STIM1: variants seen among roughly 807,000 people sequenced by gnomAD.
The protein encoded by STIM1 is stromal interaction molecule 1.
STIM1 carries 25 observed loss-of-function variants against 74.7 expected under a neutral mutation model. That is an observed-to-expected ratio of 0.33 (90% CI 0.24 to 0.47). The LOEUF is 0.47. Ranked by LOEUF, STIM1 falls within the 20% of genes least tolerant of loss-of-function variation. STIM1 has a pLI of 1.00. For missense variants in STIM1, 728 were observed against 920.8 expected (o/e 0.79, Z 2.71); for synonymous variants, 328 against 348.8 (o/e 0.94, Z 0.66).
chr11:4,084,709 G>C lies in STIM1; in HGVS notation c.1511G>C (p.Arg504Pro). 1.6e-6 allele frequency: 2 copies of C among 1,289,372 alleles called. No individual in the cohort carries two copies. The highest frequency in any genetic ancestry group is 2.0e-6 in the Non-Finnish European group (2 of 988,864). 79.9% of individuals were successfully genotyped at this position (1,289,372 alleles called of 1,614,324 possible). The change falls in exon 11 of 13, where the codon CGC becomes CCC. Residue 504 changes from arginine to proline, a missense_variant. By Grantham distance (103) the Arg-to-Pro change is moderately radical. This residue lies in a region of STIM1 where 352 missense variants were observed against 370.1 expected (regional missense o/e 0.95). Coordinates refer to ENST00000526596, the MANE Select transcript of STIM1 (RefSeq NM_001382567.1). ...CTGATGGGGCGTAGGTTCAGTGACCGCTCTCTCTGCTCTACATCCGCCGGC... is the reference window on the plus strand; with the variant it reads ...CTGATGGGGCGTAGGTTCAGTGACCCCTCTCTCTGCTCTACATCCGCCGGC... ...AWLMGRRFSD[R>P]SLCSTSAGSD...
intron 2 of STIM1, among the ~76,000 whole-genome samples, chr11:4,022,352 A>AAG (rs1218479103): frequency 6.6e-6 from 1 of 151,072 alleles, no homozygotes; most frequent in African/African-American, 2.4e-5. Flanking sequence ...AAAAAAAAAA[A>AAG]AAAAGAGAGA....
At chr11:3,977,243 C>T (rs1180713756) in intron 2 of STIM1, among the ~76,000 whole-genome samples, 2 of 152,094 alleles carry the variant, frequency 1.3e-5, no homozygotes, top group Non-Finnish European at 2.9e-5. Context: ...AATGACTGAC[C>T]AATATTGCTA....
intron 12 of STIM1, chr11:4,088,494 C>G: frequency 3.7e-6 from 2 of 543,248 alleles, no homozygotes; most frequent in Non-Finnish European, 6.7e-6. Flanking sequence ...TATCCATTCT[C>G]ATTCTCATTT....
At chr11:4,011,850 G>A (rs535626172) in intron 2 of STIM1, among the ~76,000 whole-genome samples, 1 of 152,236 alleles carries the variant, frequency 6.6e-6, no homozygotes, top group Non-Finnish European at 1.5e-5. Flanking sequence ...GGTTTTTATG[G>A]TTTTAGGTCT....
At chr11:4,001,926 G>A (rs1384697448) in intron 2 of STIM1, among the ~76,000 whole-genome samples, 3 of 135,188 alleles carry the variant, frequency 2.2e-5, no homozygotes, top group African/African-American at 8.4e-5. Context: ...AAAAAGGCAG[G>A]GGTTGCAATC....
intron 1 of STIM1, among the ~76,000 whole-genome samples, chr11:3,967,074 A>G (rs1396769545): frequency 6.6e-6 from 1 of 152,178 alleles, no homozygotes; most frequent in Non-Finnish European, 1.5e-5. Flanking sequence ...CAAAAAGGAA[A>G]ATTACACATC....
At chr11:3,924,522 T>C (rs896404197) in intron 1 of STIM1, among the ~76,000 whole-genome samples, 4 of 152,100 alleles carry the variant, frequency 2.6e-5, no homozygotes, top group Non-Finnish European at 5.9e-5. Flanking sequence ...TTAGTTTTTT[T>C]CCCCCCTAAG....
At chr11:3,968,342 A>G (rs2093359516) in intron 2 of STIM1, among the ~76,000 whole-genome samples, 1 of 152,240 alleles carries the variant, frequency 6.6e-6, no homozygotes, top group Non-Finnish European at 1.5e-5. Context: ...TTTAAAGCTC[A>G]ACATATACCA....
At chr11:3,930,136 G>A (rs1036474293) in intron 1 of STIM1, among the ~76,000 whole-genome samples, 3 of 152,144 alleles carry the variant, frequency 2.0e-5, no homozygotes, top group Non-Finnish European at 4.4e-5. Flanking sequence ...AGTAATTCCA[G>A]TTTGCCCTGG....
At chr11:3,950,235 G>A (rs1210399854) in intron 1 of STIM1, among the ~76,000 whole-genome samples, 1 of 151,410 alleles carries the variant, frequency 6.6e-6, no homozygotes, top group African/African-American at 2.4e-5. Flanking sequence ...CTGGGTTCAA[G>A]CGATTCTCCT....
At chr11:4,082,601 GGAAAGCTC>G (rs1276770494) in intron 8 of STIM1, among the ~76,000 whole-genome samples, 1 of 152,148 alleles carries the variant, frequency 6.6e-6, no homozygotes, top group East Asian at 1.9e-4. Context: ...GCAGGCAGAG[GGAAAGCTC>G]TGCCAGCCCC....
intron 1 of STIM1, among the ~76,000 whole-genome samples, chr11:3,944,835 C>A (rs2093052778): frequency 1.3e-5 from 2 of 152,212 alleles, no homozygotes; most frequent in South Asian, 4.1e-4. Context: ...CCCATCATTT[C>A]TTGCTAGGGT....
At chr11:4,028,443 C>G (rs375346770) in intron 3 of STIM1, among the ~76,000 whole-genome samples, 1 of 146,466 alleles carries the variant, frequency 6.8e-6, no homozygotes, top group East Asian at 2.0e-4. Flanking sequence ...GAGTCTTGCT[C>G]TGCTGCCCAG....
At chr11:4,067,371 C>A (rs994288437) in intron 5 of STIM1, among the ~76,000 whole-genome samples, 1 of 152,114 alleles carries the variant, frequency 6.6e-6, no homozygotes, top group Non-Finnish European at 1.5e-5. Context: ...TATTCACTGC[C>A]CTGATGGCAA....
chr11:3,856,032 CCGCCG>C lies in STIM1; in HGVS notation c.-237_-233del. ...TCTCCGGAAGCGGCACGAGCTCAGG[CCGCCG>C]CAGCCCCGGCGGACCCACTGTTGGA... On this transcript the variant is annotated 5_prime_UTR_variant, in exon 1 of 13. Coordinates refer to ENST00000526596, the MANE Select transcript of STIM1 (RefSeq NM_001382567.1). 1.8e-6 allele frequency: 1 copy of C among 558,586 alleles called. No individual in the cohort carries two copies. Among genetic ancestry groups the C allele is most frequent in the Non-Finnish European group, 3.2e-6 (1 of 310,632 alleles). The allele number at this position is 558,586 out of a possible 1,614,324, so 34.6% of individuals were successfully genotyped here.
chr11:3,871,132 G>A (rs2091078173), intron 1 of STIM1, among the ~76,000 whole-genome samples: 1 of 152,032 alleles, frequency 6.6e-6, no homozygotes. Context: ...CTCCCAAAGT[G>A]TTGGGATTAC....
At chr11:3,929,229 G>T (rs2092828464) in intron 1 of STIM1, among the ~76,000 whole-genome samples, 1 of 152,174 alleles carries the variant, frequency 6.6e-6, no homozygotes, top group Admixed American at 6.5e-5. Flanking sequence ...GGAGATACAG[G>T]TCCTTTTTTA....
At chr11:3,902,124 A>G (rs1266630553) in intron 1 of STIM1, among the ~76,000 whole-genome samples, 1 of 152,166 alleles carries the variant, frequency 6.6e-6, no homozygotes, top group Non-Finnish European at 1.5e-5. Context: ...GTGATGGAAA[A>G]CCAGACACTG....
intron 1 of STIM1, among the ~76,000 whole-genome samples, chr11:3,897,779 C>G (rs2092231369): frequency 1.3e-5 from 2 of 150,922 alleles, no homozygotes; most frequent in African/African-American, 4.9e-5. Context: ...GTTTTTTGTT[C>G]TTGCGATAGT....
Sources: gnomAD v4.1 joint callset for allele counts (sites outside exome capture counted in the v4.1 genomes callset) on GRCh38, gnomAD v4.1.1 for gene constraint, gnomAD v4.1.1 regional missense constraint, MANE v1.5 for transcripts, NCBI Gene and HGNC (gene_info 2026-07-23, HGNC 2026-07-21) for gene names.